SDR42E1: variants seen among roughly 807,000 people sequenced by gnomAD.
The protein encoded by SDR42E1 is short-chain dehydrogenase/reductase family 42E member 1.
Under a neutral mutation model 2.6 loss-of-function variants are expected in SDR42E1, and 5 were observed. The observed-to-expected ratio is 1.94, with a 90% CI of 1.01 to 4.08. The LOEUF is 4.08. Among genes scored for constraint, SDR42E1 ranks in the 30% most tolerant of loss-of-function variants. The pLI, the probability that SDR42E1 is intolerant of heterozygous loss-of-function variation, is 0.00. For synonymous variants in SDR42E1, 231 were observed against 188.3 expected (o/e 1.23, Z -1.86); for missense variants, 596 against 478.6 (o/e 1.25, Z -2.29).
chr16:82,007,855 C>G (rs891954038), intron 1 of SDR42E1: 1 of 152,244 alleles, frequency 6.6e-6, no homozygotes, highest in Non-Finnish European at 1.5e-5. Flanking sequence ...CACTGAACCT[C>G]TGTTTCCTCC....
chr16:82,002,599 C>T (rs1912804676), intron 1 of SDR42E1, among the ~76,000 whole-genome samples: 1 of 151,998 alleles, frequency 6.6e-6, no homozygotes, highest in Admixed American at 6.5e-5. Context: ...ATAAACTTGC[C>T]CAAGCTTACC....
chr16:82,008,346 T>G (rs887127712), intron 1 of SDR42E1, among the ~76,000 whole-genome samples: 4 of 152,238 alleles, frequency 2.6e-5, no homozygotes, highest in Admixed American at 1.3e-4. Context: ...TGGAAGTGAC[T>G]TTGGAACTGG....
At chr16:82,001,321 C>T (rs535567643) in intron 1 of SDR42E1, among the ~76,000 whole-genome samples, 45 of 152,280 alleles carry the variant, frequency 3.0e-4, no homozygotes, top group African/African-American at 1.1e-3. Flanking sequence ...AACATCTTTT[C>T]TTTAAAATTT....
At chr16:82,000,655 G>T in intron 2 of SDR42E1, 136 bp downstream of exon 2, 1 of 665,854 alleles carries the variant, frequency 1.5e-6, no homozygotes, top group Non-Finnish European at 2.6e-6. Flanking sequence ...TGCAATGTCT[G>T]AGCAGTGGGC....
intron 2 of SDR42E1, 42 bp from the exon 3 acceptor site, chr16:82,000,266 A>G (rs762078041): frequency 6.3e-7 from 1 of 1,599,280 alleles, no homozygotes; most frequent in African/African-American, 1.3e-5. Context: ...GTCACTCTTA[A>G]GCTGTGCCTA....
intron 1 of SDR42E1, among the ~76,000 whole-genome samples, chr16:82,006,057 T>A (rs1321381099): frequency 6.6e-6 from 1 of 152,184 alleles, no homozygotes; most frequent in African/African-American, 2.4e-5. Flanking sequence ...CGTTCCTTCA[T>A]CCCTATGAGT....
At chr16:82,006,985 T>C (rs566598190) in intron 1 of SDR42E1, among the ~76,000 whole-genome samples, 1 of 152,364 alleles carries the variant, frequency 6.6e-6, no homozygotes, top group African/African-American at 2.4e-5. Context: ...TCAAATCTTG[T>C]TCGGCTACCT....
intron 1 of SDR42E1, among the ~76,000 whole-genome samples, chr16:82,010,279 A>G (rs542392177): frequency 2.0e-5 from 3 of 152,326 alleles, no homozygotes; most frequent in South Asian, 2.1e-4. Context: ...AGGAAAATAG[A>G]TCAGAGGTTA....
At chr16:82,011,046 G>A (rs1448123413) in intron 1 of SDR42E1, among the ~76,000 whole-genome samples, 1 of 152,312 alleles carries the variant, frequency 6.6e-6, no homozygotes, top group Admixed American at 6.5e-5. Flanking sequence ...TAAAGAGGAG[G>A]TAATCGTTCT....
In SDR42E1 at chr16:81,999,071, A is replaced by G; in HGVS notation, c.*40T>C. On this transcript the variant is annotated 3_prime_UTR_variant, in exon 3 of 3. Transcript: ENST00000328945. ...TTAAAACCCATGTTTCTTGAGAACC[A>G]TCTCAGCCAACTGTGATCACCTTAT... The G allele has an allele frequency of 1.3e-6, 2 of 1,579,556 alleles. No individual in the cohort carries two copies. Among genetic ancestry groups the G allele is most frequent in the Non-Finnish European group, 1.7e-6 (2 of 1,165,928 alleles).
chr16:82,008,733 C>T (rs1485456811), intron 1 of SDR42E1, among the ~76,000 whole-genome samples: 1 of 152,122 alleles, frequency 6.6e-6, no homozygotes, highest in African/African-American at 2.4e-5. Context: ...AAAGAAAAAC[C>T]CATTTTCTGG....
In SDR42E1 at chr16:81,998,677, G is replaced by C. The variant is rs16956167; in HGVS notation, c.*434C>G. Reference sequence around the variant, plus strand: ...CGAGGATTGCTCTGTTAGGGATCTGGGCCAATTTGGTGTTTTTCACACGCA... The same window carrying C: ...CGAGGATTGCTCTGTTAGGGATCTGCGCCAATTTGGTGTTTTTCACACGCA... On this transcript the variant is annotated 3_prime_UTR_variant, in exon 3 of 3. Coordinates refer to ENST00000328945, the MANE Select transcript of SDR42E1 (RefSeq NM_145168.3). 0.017 allele frequency: 2,936 copies of C among 173,462 alleles called. 86 individuals are homozygous for C. Among genetic ancestry groups the C allele is most frequent in the African/African-American group, 0.067 (2,789 of 41,770 alleles). The allele number at this position is 173,462 out of a possible 1,614,324, so 10.7% of individuals were successfully genotyped here. A position where few individuals can be genotyped will look rare whatever the true frequency, so the allele number is the denominator to read the frequency against.
intron 1 of SDR42E1, among the ~76,000 whole-genome samples, chr16:82,003,617 G>A (rs951684642): frequency 3.3e-5 from 5 of 152,200 alleles, no homozygotes; most frequent in Non-Finnish European, 5.9e-5. Context: ...TTTTCTGGAA[G>A]CTTCTTTCTC....
intron 2 of SDR42E1, 22 bp downstream of exon 2, chr16:82,000,769 T>C: frequency 6.5e-7 from 1 of 1,544,376 alleles, no homozygotes; most frequent in Non-Finnish European, 8.9e-7. Flanking sequence ...ATTCCATGTG[T>C]ATATTTTATA....
rs1218559356 is a variant in SDR42E1, at chr16:81,997,177, G to C, written c.*1934C>G. ...ACCACTGCCAGCTTGAATGGAAAGG[G>C]ATATAGTGCAAAATGTTAACACAGC... On this transcript the variant is annotated 3_prime_UTR_variant, in exon 3 of 3. Transcript: ENST00000328945. 2 of 152,164 alleles carry C rather than the reference G, an allele frequency of 1.3e-5. No individual in the cohort carries two copies. The highest frequency in any genetic ancestry group is 4.8e-5 in the African/African-American group (2 of 41,422). The allele number at this position is 152,164 out of a possible 1,614,324, so 9.4% of individuals were successfully genotyped here.
intron 1 of SDR42E1, among the ~76,000 whole-genome samples, chr16:82,004,970 T>C (rs1184384498): frequency 6.6e-6 from 1 of 152,246 alleles, no homozygotes; most frequent in Non-Finnish European, 1.5e-5. Flanking sequence ...GAAATGTTCT[T>C]GTCTGGTTGA....
chr16:82,008,905 G>T (rs899524938), intron 1 of SDR42E1, among the ~76,000 whole-genome samples: 2 of 152,138 alleles, frequency 1.3e-5, no homozygotes, highest in African/African-American at 4.8e-5. Flanking sequence ...TGGTTTCCTG[G>T]GCTGGGTCCA....
intron 1 of SDR42E1, among the ~76,000 whole-genome samples, chr16:82,006,691 G>A (rs1056051261): frequency 2.0e-5 from 3 of 152,174 alleles, no homozygotes; most frequent in African/African-American, 4.8e-5. Context: ...CTACTCAGAA[G>A]GTTGAGGCAG....
chr16:82,000,263 T>C (rs774693860), intron 2 of SDR42E1, 39 bp from the exon 3 acceptor site: 2 of 1,600,026 alleles, frequency 1.2e-6, no homozygotes, highest in Admixed American at 1.7e-5. Flanking sequence ...CAAGTCACTC[T>C]TAAGCTGTGC....
Sources: allele counts gnomAD v4.1 joint callset (sites outside exome capture counted in the v4.1 genomes callset), GRCh38; gene constraint gnomAD v4.1.1; transcripts MANE v1.5; gene names NCBI Gene and HGNC (gene_info 2026-07-23, HGNC 2026-07-21).